NRG1: variants seen among roughly 807,000 people sequenced by gnomAD.
NRG1 encodes the protein pro-neuregulin-1, membrane-bound isoform.
NRG1 carries 18 observed loss-of-function variants against 63.8 expected under a neutral mutation model. The ratio of observed to expected loss-of-function variants is 0.28; its 90% CI spans 0.19 to 0.42. The LOEUF (loss-of-function observed/expected upper bound fraction) is 0.42, where lower values mean the gene tolerates loss of function less well. NRG1 is among the 10% of genes least tolerant of loss of function. The pLI is 1.00. For missense variants in NRG1, 762 were observed against 814.7 expected, an observed-to-expected ratio of 0.94 and a Z score of 0.79; for synonymous variants, 302 against 301.3, an observed-to-expected ratio of 1.00 and a Z score of -0.02.
In NRG1 at chr8:32,123,941, G is replaced by T. The variant is rs77430607; in HGVS notation, c.38-471887G>T. On this transcript the variant is annotated intron_variant, in intron 1 of 10. Transcript: ENST00000519301. ...TATTGGCTGGCAAAATAAAGTAGTG[G>T]AAATTTATTTCTTTTGTTCTCAATA... 1.8e-4 allele frequency among the ~76,000 whole-genome samples: 28 copies of T among 151,902 alleles called. No homozygotes were observed. In the East Asian group the frequency reaches 3.9e-3, roughly 21 times the overall value.
chr8:32,463,918 G>GTTTTTTTT (rs200324300), intron 1 of NRG1, among the ~76,000 whole-genome samples: 6 of 68,640 alleles, frequency 8.7e-5, no homozygotes, highest in Non-Finnish European at 1.2e-4. Context: ...TTTTTTGGGG[G>GTTTTTTTT]AGGGTCTCAT....
intron 1 of NRG1, among the ~76,000 whole-genome samples, chr8:32,468,713 A>T (rs531146074): frequency 1.6e-5 from 2 of 125,458 alleles, no homozygotes; most frequent in Admixed American, 1.7e-4. Flanking sequence ...TGAGCAATTT[A>T]ACATTACAGT....
At chr8:31,705,352 T>C (rs1811050463) in intron 1 of NRG1, among the ~76,000 whole-genome samples, 1 of 152,134 alleles carries the variant, frequency 6.6e-6, no homozygotes, top group African/African-American at 2.4e-5. Flanking sequence ...CAGCCTGTTT[T>C]TGTTTTTATT....
intron 1 of NRG1, among the ~76,000 whole-genome samples, chr8:31,673,720 G>A (rs939366318): frequency 2.0e-5 from 3 of 152,118 alleles, no homozygotes; most frequent in Admixed American, 2.0e-4. Flanking sequence ...CATGACGTCA[G>A]AATAAGTGGC....
chr8:32,317,143 A>T (rs1253188853), intron 1 of NRG1, among the ~76,000 whole-genome samples: 2 of 152,222 alleles, frequency 1.3e-5, no homozygotes, highest in African/African-American at 2.4e-5. Flanking sequence ...TTTCCAGGGA[A>T]TGATGAGTCT....
chr8:32,744,988 T>TTGA (rs1398659608), intron 7 of NRG1, among the ~76,000 whole-genome samples: 1 of 152,204 alleles, frequency 6.6e-6, no homozygotes, highest in Non-Finnish European at 1.5e-5. Flanking sequence ...TTAACAAAGA[T>TTGA]TGATTGCACA....
intron 5 of NRG1, among the ~76,000 whole-genome samples, chr8:32,624,983 A>G (rs1045127413): frequency 6.6e-6 from 1 of 152,172 alleles, no homozygotes; most frequent in African/African-American, 2.4e-5. Context: ...CCCATTCCAT[A>G]TAATATTGTA....
intron 1 of NRG1, among the ~76,000 whole-genome samples, chr8:31,958,354 C>A (rs974924760): frequency 2.0e-5 from 3 of 152,254 alleles, no homozygotes; most frequent in Non-Finnish European, 4.4e-5. Flanking sequence ...TTGTTACCTC[C>A]TGGCCTTCTG....
chr8:32,010,833 TAC>T (rs1251626250), intron 1 of NRG1, among the ~76,000 whole-genome samples: 1 of 152,080 alleles, frequency 6.6e-6, no homozygotes, highest in African/African-American at 2.4e-5. Flanking sequence ...AGGAAATATA[TAC>T]AGTGTTTTAT....
At chr8:32,302,909 C>A (rs561989179) in intron 1 of NRG1, among the ~76,000 whole-genome samples, 2 of 152,078 alleles carry the variant, frequency 1.3e-5, no homozygotes, top group African/African-American at 4.8e-5. Flanking sequence ...TGGCCGAGCA[C>A]GGGGGCTCAC....
chr8:32,481,869 A>G (rs1464656458), intron 1 of NRG1, among the ~76,000 whole-genome samples: 1 of 152,198 alleles, frequency 6.6e-6, no homozygotes, highest in African/African-American at 2.4e-5. Context: ...GTGCCAGTGT[A>G]AGTAGAATAC....
At chr8:31,856,477 C>T (rs1439095371) in intron 1 of NRG1, among the ~76,000 whole-genome samples, 2 of 152,180 alleles carry the variant, frequency 1.3e-5, no homozygotes, top group African/African-American at 4.8e-5. Flanking sequence ...CTCCTTTAAG[C>T]ACTTCTCTGT....
chr8:32,596,602 A>AG (rs1843415846), intron 2 of NRG1, among the ~76,000 whole-genome samples: 1 of 151,442 alleles, frequency 6.6e-6, no homozygotes, highest in Admixed American at 6.6e-5. Flanking sequence ...TCCATCTCAA[A>AG]AAAAAAAAAA....
chr8:32,263,389 G>A (rs1011107752), intron 1 of NRG1, among the ~76,000 whole-genome samples: 7 of 152,126 alleles, frequency 4.6e-5, no homozygotes, highest in African/African-American at 7.2e-5. Context: ...ATGTGTGAGC[G>A]ATAAGGTAAG....
chr8:31,788,088 G>T (rs1392845193), intron 1 of NRG1, among the ~76,000 whole-genome samples: 1 of 152,076 alleles, frequency 6.6e-6, no homozygotes, highest in Admixed American at 6.6e-5. Context: ...TGCAAAGCTT[G>T]TGCTCTTAAC....
In NRG1 at chr8:31,863,098, AT is replaced by A. The variant is rs552295619; in HGVS notation, c.37+223669del. On this transcript the variant is annotated intron_variant, in intron 1 of 10. Coordinates refer to the NRG1 transcript ENST00000519301. ...ATTGGCTCTTCCCATTTCCTGACTG[AT>A]TCTCCAACTATCAATCTGCTTGTAA... 1.3e-3 allele frequency among the ~76,000 whole-genome samples: 198 copies of A among 152,112 alleles called. 1 individual carries two copies. The highest frequency in any genetic ancestry group is 4.6e-3 in the African/African-American group (189 of 41,378).
At chr8:31,869,564 G>T (rs1196883845) in intron 1 of NRG1, among the ~76,000 whole-genome samples, 1 of 152,080 alleles carries the variant, frequency 6.6e-6, no homozygotes, top group Non-Finnish European at 1.5e-5. Context: ...TCTACTCCAT[G>T]GTCTCTTTGA....
chr8:32,037,974 C>T (rs1362485995), intron 1 of NRG1, among the ~76,000 whole-genome samples: 1 of 152,212 alleles, frequency 6.6e-6, no homozygotes, highest in Non-Finnish European at 1.5e-5. Context: ...CAGCCCCCTT[C>T]CCACAGGAGT....
chr8:31,842,048 A>T (rs1826249121), intron 1 of NRG1, among the ~76,000 whole-genome samples: 1 of 152,216 alleles, frequency 6.6e-6, no homozygotes, highest in Admixed American at 6.5e-5. Flanking sequence ...CATAGTTTGC[A>T]AACTTAATGT....
Sources: gnomAD v4.1 joint callset for allele counts (sites outside exome capture counted in the v4.1 genomes callset) on GRCh38, gnomAD v4.1.1 for gene constraint, MANE v1.5 for transcripts, NCBI Gene and HGNC (gene_info 2026-07-23, HGNC 2026-07-21) for gene names.